The following ERC2 variants were observed in gnomAD, a reference collection of about 807,000 sequenced individuals.
ERC2 encodes the protein ELKS/RAB6-interacting/CAST family member 2.
In ERC2, 42 loss-of-function variants were observed where a neutral mutation model predicts 114.8. The observed-to-expected ratio is 0.37, with a 90% CI of 0.29 to 0.47. ERC2 has a LOEUF of 0.47. ERC2 is among the 20% of genes least tolerant of loss of function. The pLI, the probability that ERC2 is intolerant of heterozygous loss-of-function variation, is 0.99. For missense variants in ERC2, 939 were observed against 1,150.7 expected (o/e 0.82, Z 2.66); for synonymous variants, 454 against 425.5 (o/e 1.07, Z -0.82).
chr3:55,997,835 G>A (rs1399587386), intron 10 of ERC2, among the ~76,000 whole-genome samples: 1 of 141,432 alleles, frequency 7.1e-6, no homozygotes, highest in Non-Finnish European at 1.5e-5. Flanking sequence ...AATACATTTG[G>A]AAACTAATAA....
At chr3:55,944,050 T>C (rs1161682714) in intron 13 of ERC2, among the ~76,000 whole-genome samples, 1 of 152,166 alleles carries the variant, frequency 6.6e-6, no homozygotes, top group African/African-American at 2.4e-5. Flanking sequence ...GTCTAAAAAA[T>C]AGTGTGAGTT....
chr3:56,077,079 G>A (rs1470594006), intron 7 of ERC2, among the ~76,000 whole-genome samples: 1 of 152,142 alleles, frequency 6.6e-6, no homozygotes, highest in South Asian at 2.1e-4. Context: ...TCCAATCCAA[G>A]CCTGCCCTAA....
intron 1 of ERC2, among the ~76,000 whole-genome samples, chr3:56,446,927 G>A (rs963127207): frequency 1.3e-5 from 2 of 152,000 alleles, no homozygotes; most frequent in Non-Finnish European, 2.9e-5. Flanking sequence ...ACACCCGGCC[G>A]AGAGTGCATT....
chr3:55,706,982 T>A (rs1390193), intron 15 of ERC2, among the ~76,000 whole-genome samples: 36,715 of 152,152 alleles, frequency 0.24, 6,388 homozygotes, highest in African/African-American at 0.48. Flanking sequence ...ATTTCCTATA[T>A]CTAAAAAATG....
rs180684128 is a variant in ERC2 at position 56,353,915 on chromosome 3, T to C, written c.658-57480A>G. Among the ~76,000 whole-genome samples, 236 of 152,152 alleles carry C rather than the reference T, an allele frequency of 1.6e-3. 1 individual carries two copies. Among genetic ancestry groups the C allele is most frequent in the Non-Finnish European group, 2.4e-3 (164 of 67,998 alleles). On this transcript the variant is annotated intron_variant, in intron 2 of 17. Transcript: ENST00000288221. ...AATATGCAATATCTCATTTAATCCT[T>C]ATAATGATAATAAATTAAGGGTACA...
chr3:55,936,405 C>G (rs974524916), intron 13 of ERC2, among the ~76,000 whole-genome samples: 3 of 152,118 alleles, frequency 2.0e-5, no homozygotes, highest in African/African-American at 7.2e-5. Context: ...GACAAAGTGC[C>G]TATGTGCTCA....
intron 14 of ERC2, among the ~76,000 whole-genome samples, chr3:55,821,717 C>T (rs928745617): frequency 4.6e-5 from 7 of 152,216 alleles, no homozygotes; most frequent in African/African-American, 1.7e-4. Flanking sequence ...AACTTATGAA[C>T]AGCTATGACT....
intron 17 of ERC2, among the ~76,000 whole-genome samples, chr3:55,618,737 A>G (rs1490700448): frequency 6.6e-6 from 1 of 152,204 alleles, no homozygotes; most frequent in African/African-American, 2.4e-5. Context: ...AGATTTTTGA[A>G]TTATTTGAAA....
intron 2 of ERC2, among the ~76,000 whole-genome samples, chr3:56,373,018 A>G (rs2059411761): frequency 6.6e-6 from 1 of 152,268 alleles, no homozygotes; most frequent in South Asian, 2.1e-4. Context: ...ATCAATTCTA[A>G]TTAGATACTT....
At chr3:56,067,641 C>G (rs111874652) in intron 7 of ERC2, among the ~76,000 whole-genome samples, 76 of 152,262 alleles carry the variant, frequency 5.0e-4, no homozygotes, top group Middle Eastern at 3.4e-3. Flanking sequence ...GGGAATGCTT[C>G]CAGCTTTTGC....
At position 55,806,477 on chromosome 3, in the gene ERC2, G is replaced by A. The variant is rs1575659619; in HGVS notation, c.2565-71559C>T. ...ACAAGGTCACCACCAAGCTGAAGCA[G>A]AGGAATCATAGATTCCAGAGGTCTA... On this transcript the variant is annotated intron_variant, in intron 14 of 17. Transcript: ENST00000288221. Among the ~76,000 whole-genome samples the A allele has an allele frequency of 3.9e-5, 6 of 152,250 alleles. No homozygotes were observed. The South Asian group carries it at 1.2e-3, about 32-fold the overall frequency.
chr3:55,803,897 A>G (rs755648316), intron 14 of ERC2, among the ~76,000 whole-genome samples: 1 of 152,122 alleles, frequency 6.6e-6, no homozygotes, highest in Admixed American at 6.5e-5. Flanking sequence ...CCCACTTTCC[A>G]TGCCTGCCAT....
intron 6 of ERC2, among the ~76,000 whole-genome samples, chr3:56,129,094 C>T (rs1346457508): frequency 6.6e-6 from 1 of 152,138 alleles, no homozygotes; most frequent in Admixed American, 6.5e-5. Flanking sequence ...CAACTTATTA[C>T]CTCAAGTTGT....
chr3:56,183,704 G>C (rs1024958147), intron 3 of ERC2, among the ~76,000 whole-genome samples: 7 of 152,098 alleles, frequency 4.6e-5, no homozygotes, highest in African/African-American at 1.4e-4. Flanking sequence ...CCTTCACGGA[G>C]CTTATGTTCT....
chr3:55,581,948 C>T (rs750744311), intron 17 of ERC2, among the ~76,000 whole-genome samples: 6 of 152,132 alleles, frequency 3.9e-5, no homozygotes, highest in Non-Finnish European at 5.9e-5. Flanking sequence ...TTGAAATATA[C>T]ATGCATGCTG....
intron 14 of ERC2, among the ~76,000 whole-genome samples, chr3:55,845,332 G>A (rs909782581): frequency 1.3e-5 from 2 of 151,842 alleles, no homozygotes; most frequent in East Asian, 1.9e-4. Context: ...GTGAAACCCC[G>A]TCTCTGCTAA....
chr3:55,966,215 C>G (rs1350170095), intron 12 of ERC2, among the ~76,000 whole-genome samples: 2 of 152,180 alleles, frequency 1.3e-5, no homozygotes, highest in African/African-American at 4.8e-5. Context: ...CTTCCCTCTT[C>G]TTGACCAAGC....
At chr3:56,343,923 C>T (rs2058201459) in intron 2 of ERC2, among the ~76,000 whole-genome samples, 1 of 152,106 alleles carries the variant, frequency 6.6e-6, no homozygotes, top group African/African-American at 2.4e-5. Flanking sequence ...CTAAAGAATT[C>T]AATAACAACA....
chr3:56,170,235 C>T (rs1266160856), intron 4 of ERC2, among the ~76,000 whole-genome samples: 1 of 152,210 alleles, frequency 6.6e-6, no homozygotes, highest in Non-Finnish European at 1.5e-5. Context: ...CATTAGGTAA[C>T]TTCAGCCCCC....
Sources: gnomAD v4.1 joint callset for allele counts (sites outside exome capture counted in the v4.1 genomes callset) on GRCh38, gnomAD v4.1.1 for gene constraint, MANE v1.5 for transcripts, NCBI Gene and HGNC (gene_info 2026-07-23, HGNC 2026-07-21) for gene names.